Variants in FBXO42 observed in about 807,000 individuals in gnomAD.
FBXO42 encodes F-box only protein 42.
FBXO42 carries 12 observed loss-of-function variants against 71.7 expected under a neutral mutation model. The observed-to-expected ratio is 0.17, with a 90% confidence interval of 0.11 to 0.27. The LOEUF is 0.27. Ranked by LOEUF, FBXO42 falls within the 10% of genes least tolerant of loss-of-function variation. FBXO42 has a pLI of 1.00. For missense variants in FBXO42, 707 were observed against 911.9 expected (o/e 0.78, Z 2.89); for synonymous variants, 325 against 327.5 (o/e 0.99, Z 0.08).
At chr1:16,350,636 A>G (rs925175763) in intron 1 of FBXO42, among the ~76,000 whole-genome samples, 1 of 149,632 alleles carries the variant, frequency 6.7e-6, no homozygotes, top group Non-Finnish European at 1.5e-5. Context: ...AATCCCAGCT[A>G]CTCAGGAAGC....
chr1:16,347,034 C>T (rs990361781), intron 1 of FBXO42, among the ~76,000 whole-genome samples: 2 of 151,752 alleles, frequency 1.3e-5, no homozygotes, highest in Non-Finnish European at 2.9e-5. Flanking sequence ...CATGAGCCAC[C>T]GCACCCGGCC....
intron 4 of FBXO42, among the ~76,000 whole-genome samples, chr1:16,283,855 T>C (rs935199665): frequency 1.3e-5 from 2 of 152,160 alleles, no homozygotes; most frequent in African/African-American, 2.4e-5. Flanking sequence ...GGTTAATCTC[T>C]AAGCAGTTTT....
At chr1:16,331,121 AAAT>A (rs1223147913) in intron 1 of FBXO42, among the ~76,000 whole-genome samples, 1 of 151,604 alleles carries the variant, frequency 6.6e-6, no homozygotes, top group Non-Finnish European at 1.5e-5. Flanking sequence ...TCCATCTCAA[AAAT>A]AATAATAGGC....
chr1:16,283,494 G>GTTTTTTTTTTTTGTTTTTTTTT (rs763063776), intron 4 of FBXO42, among the ~76,000 whole-genome samples: 2 of 80,972 alleles, frequency 2.5e-5, no homozygotes, highest in East Asian at 5.9e-4. Flanking sequence ...ACTGTGGCAA[G>GTTTTTTTTTTTTGTTTTTTTTT]TTTTTTTTTT....
At chr1:16,274,561 TC>T (rs111896969) in intron 4 of FBXO42, among the ~76,000 whole-genome samples, 4,172 of 116,982 alleles carry the variant, frequency 0.036, 285 homozygotes, top group African/African-American at 0.13. Context: ...GTAATGTATA[TC>T]CCCCCCCCAT....
chr1:16,348,841 T>C (rs954120952), intron 1 of FBXO42, among the ~76,000 whole-genome samples: 2 of 152,162 alleles, frequency 1.3e-5, no homozygotes, highest in African/African-American at 2.4e-5. Flanking sequence ...ATAATCAACA[T>C]TGTAAGGAAT....
At chr1:16,342,531 C>T (rs116752237) in intron 1 of FBXO42, among the ~76,000 whole-genome samples, 2,733 of 149,460 alleles carry the variant, frequency 0.018, 82 homozygotes, top group African/African-American at 0.063. Flanking sequence ...TGGAGTAAAC[C>T]GTGATCGCCC....
intron 1 of FBXO42, among the ~76,000 whole-genome samples, chr1:16,319,344 G>A (rs1475681426): frequency 4.6e-5 from 7 of 152,168 alleles, no homozygotes; most frequent in African/African-American, 1.4e-4. Context: ...ATCACATTAA[G>A]GAAAATGAAA....
At chr1:16,256,533 C>CA in intron 5 of FBXO42, 73 bp downstream of exon 5, 2 of 1,499,476 alleles carry the variant, frequency 1.3e-6, no homozygotes, top group South Asian at 1.2e-5. Context: ...GGACTCTTGA[C>CA]ACAAAAAAAC....
At position 16,316,443 on chromosome 1, in the gene FBXO42, T is replaced by C. The variant is rs558459961; in HGVS notation, c.-17-1008A>G. Among the ~76,000 whole-genome samples, 4 of 150,534 alleles carry C rather than the reference T, an allele frequency of 2.7e-5. No homozygotes were observed. In the South Asian group the frequency reaches 8.4e-4, roughly 32 times the overall value. ...AGTGGTTATTTCCACTTACAAAATA[T>C]AGTAGTTCTTGGTTGGGTGCAGTGG... On this transcript the variant is annotated intron_variant, in intron 1 of 9. Coordinates refer to ENST00000375592, the MANE Select transcript of FBXO42 (RefSeq NM_018994.3).
chr1:16,268,537 G>A (rs553562043), intron 4 of FBXO42, among the ~76,000 whole-genome samples: 17 of 152,304 alleles, frequency 1.1e-4, no homozygotes, highest in Admixed American at 2.0e-4. Flanking sequence ...AGGAAACAAG[G>A]AAGAACCACC....
intron 6 of FBXO42, among the ~76,000 whole-genome samples, chr1:16,255,418 G>A (rs756270105): frequency 2.0e-5 from 3 of 149,876 alleles, no homozygotes; most frequent in Non-Finnish European, 4.4e-5. Context: ...CACTGCAATC[G>A]CCACTTCCCA....
chr1:16,298,133 G>A lies in FBXO42; in HGVS notation c.368-3216C>T, dbSNP rs543791372. The stretch of plus-strand genomic sequence containing the variant: ...CCCAGCTACTGGGGAGGCTGAGGCA[G>A]TAGAATCGCTCGAACCCGGGAGGTG... On this transcript the variant is annotated intron_variant, in intron 3 of 9. Coordinates refer to ENST00000375592, the MANE Select transcript of FBXO42 (RefSeq NM_018994.3). Among the ~76,000 whole-genome samples, 43 of 150,114 alleles carry A rather than the reference G, an allele frequency of 2.9e-4. 1 individual carries two copies. Among genetic ancestry groups the A allele is most frequent in the Non-Finnish European group, 5.3e-4 (36 of 67,418 alleles).
chr1:16,350,758 A>G (rs1173346778), intron 1 of FBXO42, among the ~76,000 whole-genome samples: 2 of 30,296 alleles, frequency 6.6e-5, no homozygotes, highest in Non-Finnish European at 8.4e-5. Context: ...AAAAAAAAAA[A>G]AAGAAAGAAA....
chr1:16,289,998 G>T (rs1381826636), intron 4 of FBXO42, among the ~76,000 whole-genome samples: 1 of 152,094 alleles, frequency 6.6e-6, no homozygotes, highest in Non-Finnish European at 1.5e-5. Flanking sequence ...CTTGCTTCTT[G>T]TTTCTTTCCC....
intron 4 of FBXO42, among the ~76,000 whole-genome samples, chr1:16,261,638 A>T (rs186764279): frequency 3.7e-4 from 57 of 152,318 alleles, no homozygotes; most frequent in Admixed American, 3.0e-3. Flanking sequence ...ATGAGGTGGC[A>T]GAGATCAACA....
At chr1:16,273,036 G>A (rs2081862305) in intron 4 of FBXO42, among the ~76,000 whole-genome samples, 1 of 152,004 alleles carries the variant, frequency 6.6e-6, no homozygotes, top group African/African-American at 2.4e-5. Context: ...TAGTATCTCC[G>A]TATATATAAA....
intron 4 of FBXO42, among the ~76,000 whole-genome samples, chr1:16,260,467 C>G (rs2100445628): frequency 6.6e-6 from 1 of 152,224 alleles, no homozygotes; most frequent in South Asian, 2.1e-4. Flanking sequence ...CCTCAGCCTC[C>G]CAAAGTGCTA....
At chr1:16,288,143 C>T (rs2082040916) in intron 4 of FBXO42, among the ~76,000 whole-genome samples, 1 of 151,208 alleles carries the variant, frequency 6.6e-6, no homozygotes. Context: ...CTGTCTCAAA[C>T]AAACAATAAT....
Sources: allele counts gnomAD v4.1 joint callset (sites outside exome capture counted in the v4.1 genomes callset), GRCh38; gene constraint gnomAD v4.1.1; transcripts MANE v1.5; gene names NCBI Gene and HGNC (gene_info 2026-07-23, HGNC 2026-07-21).